The following FARP2 variants were observed in gnomAD, a reference collection of about 807,000 sequenced individuals.
The protein encoded by FARP2 is FERM, ARH/RhoGEF and pleckstrin domain protein 2, also known as FERM, ARHGEF and pleckstrin domain-containing protein 2.
A neutral mutation model predicts 130.5 loss-of-function variants in FARP2; 111 were observed. That is an observed-to-expected ratio of 0.85 (90% CI 0.73 to 1.00). The LOEUF is 1.00. Ranked by LOEUF, FARP2 falls within the 50% of genes least tolerant of loss-of-function variation. The probability of loss-of-function intolerance (pLI) is 0.00; values close to 1 mark genes in which losing one functional copy is unlikely to be tolerated. For missense variants in FARP2, 1,385 were observed against 1,346.3 expected (o/e 1.03, Z -0.45); for synonymous variants, 504 against 516.9 (o/e 0.98, Z 0.34).
rs2063953339 is a variant in FARP2 at position 241,459,444 on chromosome 2, TGCCCACCCTCCA to T, written c.1587+2533_1587+2544del. ...GGCTGTGCGGGGAGGGGCAAAGAGCTGCCCACCCTCCAGCCCACCCTCGCCAGCTGGTGCCCT... is the reference window on the plus strand; with the variant it reads ...GGCTGTGCGGGGAGGGGCAAAGAGCTGCCCACCCTCGCCAGCTGGTGCCCT... On this transcript the variant is annotated intron_variant, in intron 14 of 26. Transcript: ENST00000264042. The surrounding 1 kb of genome is among the most constrained non-coding windows in gnomAD (Gnocchi z 5.3). Among the ~76,000 whole-genome samples the T allele has an allele frequency of 6.6e-6, 1 of 152,162 alleles. No individual in the cohort carries two copies. The highest frequency in any genetic ancestry group is 2.1e-4 in the South Asian group (1 of 4,828).
intron 13 of FARP2, chr2:241,446,984 T>G (rs554714099): frequency 6.6e-6 from 1 of 152,234 alleles, no homozygotes; most frequent in Non-Finnish European, 1.5e-5. Context: ...CCTTATACAT[T>G]TGAATTTGTT....
In FARP2 at chr2:241,492,960, T is replaced by C; in HGVS notation, c.2819T>C (p.Phe940Ser). Residue 940 changes from phenylalanine to serine, a missense_variant, in exon 25 of 27, where the codon TTC becomes TCC. By Grantham distance (155) the Phe-to-Ser change is radical (BLOSUM62 -2). Transcript: ENST00000264042. ...CTTTCAGGATATCTGCTAAGAAAGT[T>C]CAAAAACAGTCATGGCTGGCAGAAG... Reference protein sequence around the residue: ...NQLSGYLLRKFKNSHGWQKLW... With the variant: ...NQLSGYLLRKSKNSHGWQKLW... The C allele has an allele frequency of 6.2e-7, 1 of 1,612,622 alleles. No individual in the cohort carries two copies. The highest frequency in any genetic ancestry group is 8.5e-7 in the Non-Finnish European group (1 of 1,178,624).
At chr2:241,372,634 T>C (rs1306141157) in intron 1 of FARP2, 1 of 152,316 alleles carries the variant, frequency 6.6e-6, no homozygotes, top group African/African-American at 2.4e-5. Context: ...CTGTTTACGT[T>C]TGGTAGAAAT....
intron 2 of FARP2, among the ~76,000 whole-genome samples, chr2:241,379,674 G>A (rs1287489063): frequency 6.6e-6 from 1 of 152,214 alleles, no homozygotes; most frequent in Non-Finnish European, 1.5e-5. Context: ...GTAGCCAGAT[G>A]TTTGTCATTG....
At position 241,418,090 on chromosome 2, in the gene FARP2, T is replaced by C; in HGVS notation, c.752T>C (p.Met251Thr). ...GTKIQLAVSH[M>T]GVLVFQGTTK... ...AAGATTCAACTGGCAGTTTCCCACA[T>C]GGGTGTACTCGTGTTCCAGGTAGGC... Residue 251 changes from methionine (M) to threonine (T), a missense_variant, in exon 8 of 27, where the codon ATG (methionine) becomes ACG (threonine). Transcript: ENST00000264042. The C allele has an allele frequency of 6.2e-7, 1 of 1,614,176 alleles. No homozygotes were observed. The highest frequency in any genetic ancestry group is 8.5e-7 in the Non-Finnish European group (1 of 1,180,026).
chr2:241,454,280 G>A (rs963034495), intron 13 of FARP2, among the ~76,000 whole-genome samples: 10 of 152,028 alleles, frequency 6.6e-5, no homozygotes, highest in Non-Finnish European at 2.9e-5. Flanking sequence ...GCTTGCTGTT[G>A]GACTGTACTT....
rs2124883929 is a variant in FARP2 at position 241,482,801 on chromosome 2, G to C, written c.2263-664G>C. Among the ~76,000 whole-genome samples, 1 of 152,246 alleles carries C rather than the reference G, an allele frequency of 6.6e-6. No homozygotes were observed. The highest frequency in any genetic ancestry group is 1.5e-5 in the Non-Finnish European group (1 of 68,024). ...GGTGGAAGGGCTCCAGAGCAGTCCA[G>C]GTTAGGAATCTGAGGGGCTCCCAGG... On this transcript the variant is annotated intron_variant, in intron 19 of 26. Transcript: ENST00000264042. This position sits in a 1 kb window ranked among gnomAD's most constrained non-coding sequence, Gnocchi z 4.6.
chr2:241,409,721 C>T (rs115265339), intron 5 of FARP2, among the ~76,000 whole-genome samples: 43 of 152,168 alleles, frequency 2.8e-4, no homozygotes, highest in East Asian at 1.5e-3. Flanking sequence ...TCAAATGATA[C>T]GTATTGAACT....
In FARP2 at chr2:241,442,735, C is replaced by T. The variant is rs77150499; in HGVS notation, c.1411+1179C>T. 805 of 335,542 alleles carry T rather than the reference C, an allele frequency of 2.4e-3. 3 individuals carry two copies. Among genetic ancestry groups the T allele is most frequent in the African/African-American group, 0.016 (741 of 46,430 alleles). The allele number at this position is 335,542 out of a possible 1,614,324, so 20.8% of individuals were successfully genotyped here. A position where few individuals can be genotyped will look rare whatever the true frequency, so the allele number is the denominator to read the frequency against. Reference sequence around the variant, plus strand: ...TGGAATGACGTAAAAGCTATGCCTCCGGTCTTAGACCTGAGTACTCCAGCC... The same window carrying T: ...TGGAATGACGTAAAAGCTATGCCTCTGGTCTTAGACCTGAGTACTCCAGCC... On this transcript the variant is annotated intron_variant, in intron 13 of 26. Coordinates refer to ENST00000264042, the MANE Select transcript of FARP2 (RefSeq NM_014808.4).
At chr2:241,461,778 G>A (rs958310700) in intron 14 of FARP2, among the ~76,000 whole-genome samples, 2 of 152,262 alleles carry the variant, frequency 1.3e-5, no homozygotes, top group Admixed American at 1.3e-4. Context: ...GCAGGATCAT[G>A]GTTTCTGGGC....
At chr2:241,463,812 C>T in intron 16 of FARP2, 87 bp from the exon 17 acceptor site, 2 of 1,186,064 alleles carry the variant, frequency 1.7e-6, no homozygotes, top group Non-Finnish European at 2.5e-6. Context: ...CCAGCTGGAA[C>T]CAAGGCAGCT....
chr2:241,421,307 C>G (rs74000662), intron 8 of FARP2, among the ~76,000 whole-genome samples: 3,296 of 152,246 alleles, frequency 0.022, 113 homozygotes, highest in African/African-American at 0.069. Context: ...AGCCTCAGGA[C>G]CCCCAGCAAG....
At chr2:241,455,328 A>G (rs910917979) in intron 13 of FARP2, among the ~76,000 whole-genome samples, 5 of 152,226 alleles carry the variant, frequency 3.3e-5, no homozygotes, top group Admixed American at 2.6e-4. Context: ...AGAAATCATG[A>G]TAGTTTCAGT....
chr2:241,415,585 A>G (rs2062643847), intron 7 of FARP2, among the ~76,000 whole-genome samples: 1 of 152,106 alleles, frequency 6.6e-6, no homozygotes, highest in Admixed American at 6.6e-5. Context: ...AGTGGGTGAA[A>G]TCAGCTAGGC....
chr2:241,363,590 A>T (rs1463727774), intron 1 of FARP2, among the ~76,000 whole-genome samples: 1 of 152,264 alleles, frequency 6.6e-6, no homozygotes, highest in East Asian at 1.9e-4. Context: ...GAGCCAGAAC[A>T]GGTTGCCAAA....
chr2:241,490,603 G>C (rs561421711), intron 22 of FARP2, among the ~76,000 whole-genome samples: 2 of 152,262 alleles, frequency 1.3e-5, no homozygotes, highest in Admixed American at 6.5e-5. Context: ...GGATGCAGGG[G>C]CCCCTGCATG....
At chr2:241,454,567 A>G (rs2063782066) in intron 13 of FARP2, among the ~76,000 whole-genome samples, 1 of 152,248 alleles carries the variant, frequency 6.6e-6, no homozygotes, top group Non-Finnish European at 1.5e-5. Flanking sequence ...CCTGTTTTCA[A>G]CATAAGAAGT....
Position 241,475,986 on chromosome 2 carries a change from G to A in FARP2, c.2261G>A (p.Arg754Lys). ...ATAGAGAACCTCATTGCTCCTGGCAGGGTGAGTGACCTTGCTCTGGGAATG... is the reference window on the plus strand; with the variant it reads ...ATAGAGAACCTCATTGCTCCTGGCAAGGTGAGTGACCTTGCTCTGGGAATG... ...VGIENLIAPG[R>K]EFIREGCLHK... Residue 754 changes from arginine (R) to lysine (K), a missense_variant and splice_region_variant, in exon 19 of 27, where the codon AGG becomes AAG. Arg to Lys is a conservative substitution (Grantham distance 26). Coordinates refer to ENST00000264042, the MANE Select transcript of FARP2 (RefSeq NM_014808.4). This position sits in a 1 kb window ranked among gnomAD's most constrained non-coding sequence, Gnocchi z 4.4. 6.2e-7 allele frequency: 1 copy of A among 1,610,916 alleles called. No homozygotes were observed. Among genetic ancestry groups the A allele is most frequent in the South Asian group, 1.1e-5 (1 of 90,510 alleles).
chr2:241,420,112 C>G (rs1027379077), intron 8 of FARP2, among the ~76,000 whole-genome samples: 4 of 152,234 alleles, frequency 2.6e-5, no homozygotes, highest in African/African-American at 9.6e-5. Flanking sequence ...GATCGTGCCA[C>G]TGCACTGCAG....
Sources: allele counts gnomAD v4.1 joint callset (sites outside exome capture counted in the v4.1 genomes callset), GRCh38; gene constraint gnomAD v4.1.1; non-coding constraint Gnocchi (gnomAD v3.1); transcripts MANE v1.5; gene names NCBI Gene and HGNC (gene_info 2026-07-23, HGNC 2026-07-21).